The following CNTNAP2 variants were observed in gnomAD, a reference collection of about 807,000 sequenced individuals.
CNTNAP2 encodes the protein contactin associated protein 2.
Under a neutral mutation model 155.2 loss-of-function variants are expected in CNTNAP2, and 98 were observed. That is an observed-to-expected ratio of 0.63 (90% CI 0.54 to 0.75). The LOEUF (loss-of-function observed/expected upper bound fraction) is 0.75. Among genes scored for constraint, CNTNAP2 ranks in the 30% least tolerant of loss-of-function variants. CNTNAP2 has a pLI of 0.00. For missense variants in CNTNAP2, 1,727 were observed against 1,688.1 expected (o/e 1.02, Z -0.40); for synonymous variants, 651 against 631.2 (o/e 1.03, Z -0.47).
rs544619583 is a variant in CNTNAP2, at chr7:148,416,650, A to G, written c.*1034A>G. ...CACCCCTGTGACACAATCCTAATAG[A>G]CAGTGTCCTGTAAATGGACACAACA... On this transcript the variant is annotated 3_prime_UTR_variant, in exon 24 of 24. Transcript: ENST00000361727. 3.3e-5 allele frequency: 5 copies of G among 152,784 alleles called. No homozygotes were observed. In the South Asian group the frequency reaches 1.0e-3, roughly 32 times the overall value. The allele number at this position is 152,784 out of a possible 1,614,324, so 9.5% of individuals were successfully genotyped here.
intron 3 of CNTNAP2, among the ~76,000 whole-genome samples, chr7:147,007,115 A>AT (rs994851831): frequency 3.9e-5 from 6 of 152,060 alleles, no homozygotes; most frequent in African/African-American, 1.4e-4. Context: ...ATCCCCACTC[A>AT]TGGGTGTGTT....
chr7:147,228,250 G>A (rs767163827), intron 8 of CNTNAP2, among the ~76,000 whole-genome samples: 22 of 152,112 alleles, frequency 1.4e-4, no homozygotes, highest in Non-Finnish European at 3.1e-4. Flanking sequence ...GCTACAAAGG[G>A]GATCAGAAAA....
chr7:148,084,245 T>G (rs1429494010), intron 15 of CNTNAP2, among the ~76,000 whole-genome samples: 2 of 152,252 alleles, frequency 1.3e-5, no homozygotes, highest in African/African-American at 4.8e-5. Flanking sequence ...TGCTGCCACC[T>G]GGTGGAAGCC....
chr7:146,462,570 G>A (rs192628742), intron 1 of CNTNAP2, among the ~76,000 whole-genome samples: 18 of 152,212 alleles, frequency 1.2e-4, no homozygotes, highest in Admixed American at 9.2e-4. Context: ...CTTGATATTG[G>A]TGTGAGATGC....
chr7:147,983,123 G>A (rs17170769), intron 15 of CNTNAP2, among the ~76,000 whole-genome samples: 80,068 of 151,096 alleles, frequency 0.53, 22,041 homozygotes, highest in Middle Eastern at 0.74. Flanking sequence ...GGCGCACATG[G>A]CAGTAACTCT....
chr7:147,380,643 G>A (rs185447145), intron 9 of CNTNAP2, among the ~76,000 whole-genome samples: 246 of 152,152 alleles, frequency 1.6e-3, no homozygotes, highest in Admixed American at 3.1e-3. Flanking sequence ...TTCTTGGCTC[G>A]CCAATTTCAA....
In CNTNAP2 at chr7:147,615,815, T is replaced by G. The variant is rs536608408; in HGVS notation, c.1898-23291T>G. ...CATATTACCCATACTTTCGATAAAT[T>G]CAATAATTAATTTAGTCCTCATTTT... On this transcript the variant is annotated intron_variant, in intron 12 of 23. Transcript: ENST00000361727. 6.6e-5 allele frequency among the ~76,000 whole-genome samples: 10 copies of G among 152,256 alleles called. No individual in the cohort carries two copies. The South Asian group carries it at 2.1e-3, about 31-fold the overall frequency.
intron 13 of CNTNAP2, among the ~76,000 whole-genome samples, chr7:147,857,204 T>C (rs10263791): frequency 0.03 from 4,627 of 152,340 alleles, 223 homozygotes; most frequent in African/African-American, 0.11. Context: ...TTAATCAGGA[T>C]GTTTCCTGTA....
At chr7:146,804,260 T>G (rs543174906) in intron 2 of CNTNAP2, among the ~76,000 whole-genome samples, 3 of 152,328 alleles carry the variant, frequency 2.0e-5, no homozygotes, top group African/African-American at 7.2e-5. Flanking sequence ...GATATTACCT[T>G]TAGATGCTAA....
chr7:146,258,872 A>G (rs1366385352), intron 1 of CNTNAP2, among the ~76,000 whole-genome samples: 2 of 152,168 alleles, frequency 1.3e-5, no homozygotes, highest in East Asian at 3.9e-4. Context: ...AATTACAAAT[A>G]AGCCATGTTT....
intron 8 of CNTNAP2, among the ~76,000 whole-genome samples, chr7:147,188,403 T>C (rs1427913425): frequency 6.6e-6 from 1 of 152,170 alleles, no homozygotes; most frequent in Non-Finnish European, 1.5e-5. Flanking sequence ...ACGCATGATA[T>C]TTTGTGGCAG....
At chr7:146,694,869 TATTTTTA>T (rs1800756076) in intron 1 of CNTNAP2, among the ~76,000 whole-genome samples, 1 of 152,146 alleles carries the variant, frequency 6.6e-6, no homozygotes, top group South Asian at 2.1e-4. Context: ...AATGATTTTA[TATTTTTA>T]ATTTTAAATT....
At chr7:148,399,696 C>G (rs1203555810) in intron 22 of CNTNAP2, among the ~76,000 whole-genome samples, 1 of 152,140 alleles carries the variant, frequency 6.6e-6, no homozygotes, top group East Asian at 1.9e-4. Context: ...GAAATTAACA[C>G]AGTGTTCCTA....
chr7:147,079,372 C>T (rs1206333919), intron 4 of CNTNAP2, among the ~76,000 whole-genome samples: 2 of 152,078 alleles, frequency 1.3e-5, no homozygotes, highest in East Asian at 1.9e-4. Context: ...TTCATCCCAC[C>T]GTTAGTGGGA....
chr7:146,393,000 T>C (rs1281687222), intron 1 of CNTNAP2, among the ~76,000 whole-genome samples: 4 of 152,176 alleles, frequency 2.6e-5, no homozygotes, highest in African/African-American at 4.8e-5. Flanking sequence ...CCCAGACCAA[T>C]GACAGCAAAT....
At chr7:146,509,700 CT>C (rs1033412313) in intron 1 of CNTNAP2, among the ~76,000 whole-genome samples, 1 of 152,148 alleles carries the variant, frequency 6.6e-6, no homozygotes, top group Non-Finnish European at 1.5e-5. Flanking sequence ...TCACTCCAAC[CT>C]GTGTACGTCG....
At chr7:146,805,075 G>T (rs1268684199) in intron 2 of CNTNAP2, among the ~76,000 whole-genome samples, 1 of 152,164 alleles carries the variant, frequency 6.6e-6, no homozygotes, top group Non-Finnish European at 1.5e-5. Context: ...GGGCATAGTG[G>T]CCATTGGGTT....
intron 11 of CNTNAP2, among the ~76,000 whole-genome samples, chr7:147,505,376 C>A (rs1404023104): frequency 6.7e-6 from 1 of 148,642 alleles, no homozygotes; most frequent in African/African-American, 2.6e-5. Context: ...CATGCGCACA[C>A]ACATATACAA....
chr7:147,111,707 A>G (rs946854236), intron 5 of CNTNAP2, among the ~76,000 whole-genome samples: 18 of 151,948 alleles, frequency 1.2e-4, no homozygotes, highest in African/African-American at 4.4e-4. Flanking sequence ...TGAGTTCTAT[A>G]CTGTGTCCCA....
Sources: gnomAD v4.1 joint callset for allele counts (sites outside exome capture counted in the v4.1 genomes callset) on GRCh38, gnomAD v4.1.1 for gene constraint, MANE v1.5 for transcripts, NCBI Gene and HGNC (gene_info 2026-07-23, HGNC 2026-07-21) for gene names.